Variants in NOVA1 observed in about 807,000 individuals in gnomAD.
The protein encoded by NOVA1 is NOVA alternative splicing regulator 1, also known as RNA-binding protein Nova-1.
Under a neutral mutation model 38.0 loss-of-function variants are expected in NOVA1, and 7 were observed. The ratio of observed to expected loss-of-function variants is 0.18; its 90% CI spans 0.10 to 0.35. NOVA1 has a LOEUF of 0.35. Ranked by LOEUF, NOVA1 falls within the 10% of genes least tolerant of loss-of-function variation. NOVA1 has a pLI of 1.00. For synonymous variants in NOVA1, 270 were observed against 232.5 expected (o/e 1.16, Z -1.47); for missense variants, 460 against 616.0 (o/e 0.75, Z 2.68).
chr14:26,573,741 G>A (rs1175935666), intron 2 of NOVA1, among the ~76,000 whole-genome samples: 3 of 152,098 alleles, frequency 2.0e-5, no homozygotes, highest in Admixed American at 2.0e-4. Context: ...GTTGGGGTGA[G>A]TTTCTGGGTT....
chr14:26,536,238 C>T (rs1433863679), intron 2 of NOVA1, among the ~76,000 whole-genome samples: 3 of 147,830 alleles, frequency 2.0e-5, no homozygotes, highest in South Asian at 2.1e-4. Context: ...GGGGAGAAGG[C>T]GGGATGTTAA....
chr14:26,546,793 G>A (rs1343167857), intron 2 of NOVA1, among the ~76,000 whole-genome samples: 1 of 152,146 alleles, frequency 6.6e-6, no homozygotes, highest in Non-Finnish European at 1.5e-5. Flanking sequence ...GCCAAGATGG[G>A]AGGATCACGA....
Position 26,595,518 on chromosome 14 carries a change from T to A in NOVA1, c.172A>T (p.Ser58Cys), listed in dbSNP as rs1894133241. The A allele has an allele frequency of 6.2e-7, 1 of 1,613,756 alleles. No individual in the cohort carries two copies. The highest frequency in any genetic ancestry group is 2.2e-5 in the East Asian group (1 of 44,862). ...GQYFLKVLIP[S>C]YAAGSIIGKG... ...CCAATTATAGATCCAGCAGCATAAC[T>A]AGGTATGAGAACCTTTAGAAAATAC... is the stretch of plus-strand genomic sequence containing the variant. Residue 58 changes from serine (S) to cysteine (C), a missense_variant, in exon 2 of 5, where the codon AGT becomes TGT. Ser to Cys is a moderately radical substitution (Grantham distance 112, BLOSUM62 -1). Coordinates refer to ENST00000539517, the MANE Select transcript of NOVA1 (RefSeq NM_002515.3).
chr14:26,490,661 T>C (rs1488487964), intron 2 of NOVA1, among the ~76,000 whole-genome samples: 2 of 152,054 alleles, frequency 1.3e-5, no homozygotes, highest in African/African-American at 2.4e-5. Context: ...TTCACATCAT[T>C]TGCACACTTT....
chr14:26,575,768 TTATTA>T (rs1444432032), intron 2 of NOVA1, among the ~76,000 whole-genome samples: 4 of 152,006 alleles, frequency 2.6e-5, no homozygotes, highest in Admixed American at 2.0e-4. Flanking sequence ...GTCAAAATTG[TTATTA>T]TATAATTATT....
In NOVA1 at chr14:26,465,267, C is replaced by T. The variant is rs539945097; in HGVS notation, c.519+7053G>A. ...TCAGCTCACTGGAACCTCCGCCTCC[C>T]GGGTTCAAGCAATTCTCCTCCCTCA... On this transcript the variant is annotated intron_variant, in intron 4 of 4. Coordinates refer to ENST00000539517, the MANE Select transcript of NOVA1 (RefSeq NM_002515.3). Among the ~76,000 whole-genome samples the T allele has an allele frequency of 3.9e-3, 598 of 152,152 alleles. 4 individuals carry two copies. Among genetic ancestry groups the T allele is most frequent in the Non-Finnish European group, 6.6e-3 (446 of 67,992 alleles).
At chr14:26,507,883 A>G (rs947303175) in intron 2 of NOVA1, among the ~76,000 whole-genome samples, 1 of 152,072 alleles carries the variant, frequency 6.6e-6, no homozygotes, top group African/African-American at 2.4e-5. Context: ...AAAAACATAC[A>G]ACAAAAACAA....
chr14:26,559,476 T>C (rs1891689935), intron 2 of NOVA1, among the ~76,000 whole-genome samples: 1 of 152,158 alleles, frequency 6.6e-6, no homozygotes, highest in South Asian at 2.1e-4. Context: ...TAATTGCTGT[T>C]GACATTTACA....
At chr14:26,469,971 G>A (rs1291835579) in intron 4 of NOVA1, 1 of 159,800 alleles carries the variant, frequency 6.3e-6, no homozygotes, top group Non-Finnish European at 1.4e-5. Flanking sequence ...TGTAGTCAGA[G>A]TCTGTCAGTC....
chr14:26,458,720 C>T (rs1387735976), intron 4 of NOVA1, among the ~76,000 whole-genome samples: 2 of 151,978 alleles, frequency 1.3e-5, no homozygotes, highest in African/African-American at 4.8e-5. Flanking sequence ...GGGCACTATG[C>T]TCACTATTTG....
chr14:26,581,101 A>T (rs1330457985), intron 2 of NOVA1, among the ~76,000 whole-genome samples: 1 of 152,108 alleles, frequency 6.6e-6, no homozygotes, highest in African/African-American at 2.4e-5. Context: ...AGGTACAAGA[A>T]GATTAAATGA....
chr14:26,592,183 A>C (rs573961650), intron 2 of NOVA1, among the ~76,000 whole-genome samples: 1 of 151,696 alleles, frequency 6.6e-6, no homozygotes, highest in South Asian at 2.1e-4. Flanking sequence ...TCCATTAAAT[A>C]ATTTTTACAG....
chr14:26,466,299 G>GA (rs1463328773), intron 4 of NOVA1, among the ~76,000 whole-genome samples: 1 of 152,182 alleles, frequency 6.6e-6, no homozygotes, highest in African/African-American at 2.4e-5. Flanking sequence ...TTTACTCAGC[G>GA]AAACGGTAAA....
chr14:26,488,276 GA>G (rs920865016), intron 2 of NOVA1, among the ~76,000 whole-genome samples: 3 of 152,176 alleles, frequency 2.0e-5, no homozygotes, highest in African/African-American at 7.2e-5. Context: ...GTCAAAGGAT[GA>G]GAGTATATTT....
At chr14:26,524,036 C>G (rs1398253115) in intron 2 of NOVA1, among the ~76,000 whole-genome samples, 2 of 152,112 alleles carry the variant, frequency 1.3e-5, no homozygotes, top group Admixed American at 6.5e-5. Flanking sequence ...TAGGCGGGAG[C>G]CACCACGCCT....
intron 4 of NOVA1, among the ~76,000 whole-genome samples, chr14:26,454,760 ATC>A (rs1436901680): frequency 1.3e-5 from 2 of 152,216 alleles, no homozygotes; most frequent in Non-Finnish European, 2.9e-5. Flanking sequence ...TAGTCAAGAT[ATC>A]ATAGTTCTGG....
chr14:26,450,603 G>C (rs1456120550), intron 4 of NOVA1, among the ~76,000 whole-genome samples: 1 of 152,122 alleles, frequency 6.6e-6, no homozygotes, highest in Non-Finnish European at 1.5e-5. Context: ...AGTGGATTCA[G>C]TTTCAAGAAA....
rs117171371 is a variant in NOVA1, at chr14:26,585,428, C to T, written c.280+9982G>A. Among the ~76,000 whole-genome samples the T allele has an allele frequency of 8.7e-3, 1,323 of 151,304 alleles. 9 individuals carry two copies. The highest frequency in any genetic ancestry group is 0.017 in the Middle Eastern group (5 of 292). On this transcript the variant is annotated intron_variant, in intron 2 of 4. Coordinates refer to ENST00000539517, the MANE Select transcript of NOVA1 (RefSeq NM_002515.3). ...AATGTAACAATGTAACCTCCCCCAA[C>T]AAAGTCACATGTTAACTTCCCCACT... is the stretch of plus-strand genomic sequence containing the variant.
intron 4 of NOVA1, among the ~76,000 whole-genome samples, chr14:26,452,234 C>T (rs1264886367): frequency 1.3e-5 from 2 of 152,130 alleles, no homozygotes; most frequent in Admixed American, 6.6e-5. Context: ...TACCTATTTG[C>T]ACACAGTATT....
Sources: gnomAD v4.1 joint callset for allele counts (sites outside exome capture counted in the v4.1 genomes callset) on GRCh38, gnomAD v4.1.1 for gene constraint, MANE v1.5 for transcripts, NCBI Gene and HGNC (gene_info 2026-07-23, HGNC 2026-07-21) for gene names.